PCDH15: variants seen among roughly 807,000 people sequenced by gnomAD.
PCDH15 encodes protocadherin-15.
In PCDH15, 129 loss-of-function variants were observed where a neutral mutation model predicts 178.5. That is an observed-to-expected ratio of 0.72 (90% CI 0.63 to 0.84). PCDH15 has a LOEUF of 0.84. Ranked by LOEUF, PCDH15 falls within the 40% of genes least tolerant of loss-of-function variation. PCDH15 has a pLI of 0.00. For synonymous variants in PCDH15, 800 were observed against 732.0 expected, an observed-to-expected ratio of 1.09 and a Z score of -1.50; for missense variants, 2,230 against 2,099.9, an observed-to-expected ratio of 1.06 and a Z score of -1.21.
intron 21 of PCDH15, among the ~76,000 whole-genome samples, chr10:53,980,420 G>A (rs1318487696): frequency 6.7e-6 from 1 of 148,680 alleles, no homozygotes; most frequent in Non-Finnish European, 1.5e-5. Flanking sequence ...ATATTTTCAC[G>A]AAAACTTTCT....
chr10:55,459,218 A>G (rs1249120065), intron 2 of PCDH15, among the ~76,000 whole-genome samples: 1 of 124,534 alleles, frequency 8.0e-6, no homozygotes, highest in African/African-American at 3.3e-5. Flanking sequence ...TTAGCAGCCG[A>G]GTGTCCTTGG....
intron 2 of PCDH15, among the ~76,000 whole-genome samples, chr10:54,546,072 G>A (rs963494646): frequency 4.6e-5 from 7 of 152,178 alleles, no homozygotes; most frequent in Non-Finnish European, 7.3e-5. Context: ...GCCATGATGG[G>A]GATTGTACCT....
At chr10:54,813,186 A>T (rs748965046) in intron 3 of PCDH15, among the ~76,000 whole-genome samples, 3 of 151,988 alleles carry the variant, frequency 2.0e-5, no homozygotes, top group Non-Finnish European at 4.4e-5. Context: ...CAAATTTTTA[A>T]AACATTTAGA....
At chr10:54,736,376 C>A (rs1351743575) in intron 1 of PCDH15, among the ~76,000 whole-genome samples, 3 of 151,930 alleles carry the variant, frequency 2.0e-5, no homozygotes, top group Non-Finnish European at 4.4e-5. Context: ...ATGATTTCAA[C>A]ATATTTCTTT....
chr10:55,134,862 T>C (rs189486240), intron 2 of PCDH15, among the ~76,000 whole-genome samples: 1 of 152,338 alleles, frequency 6.6e-6, no homozygotes, highest in Non-Finnish European at 1.5e-5. Flanking sequence ...AGGCCACAGA[T>C]AGGATTTCTC....
At chr10:54,876,315 C>T (rs1170648209) in intron 3 of PCDH15, among the ~76,000 whole-genome samples, 1 of 152,058 alleles carries the variant, frequency 6.6e-6, no homozygotes, top group East Asian at 1.9e-4. Context: ...TGTGGATGTA[C>T]AAAGAAGGAA....
intron 15 of PCDH15, among the ~76,000 whole-genome samples, chr10:54,112,239 C>T (rs10825239): frequency 0.31 from 46,598 of 151,876 alleles, 8,410 homozygotes; most frequent in East Asian, 0.86. Context: ...AGTTTGGTAC[C>T]AATGACATTT....
Position 54,664,157 on chromosome 10 carries a change from T to TAA in PCDH15, c.91+13_91+14dup, listed in dbSNP as rs1565887655. The TAA allele has an allele frequency of 6.2e-7, 1 of 1,605,708 alleles. No homozygotes were observed. The highest frequency in any genetic ancestry group is 8.5e-7 in the Non-Finnish European group (1 of 1,173,372). ...TCCTGGCTCGCTCTAAAGGTCAAGC[T>TAA]AAAAGCAACCTTACCATCATCATAC... is the stretch of plus-strand genomic sequence containing the variant. On this transcript the variant is annotated intron_variant, in intron 2 of 37. Coordinates refer to ENST00000644397, the MANE Select transcript of PCDH15 (RefSeq NM_001384140.1).
intron 2 of PCDH15, among the ~76,000 whole-genome samples, chr10:55,510,093 A>G (rs546806943): frequency 1.3e-5 from 2 of 151,790 alleles, no homozygotes; most frequent in African/African-American, 2.4e-5. Context: ...TTTTTTTTGT[A>G]TTGTGGTCTG....
At chr10:54,247,107 T>C (rs954083181) in intron 8 of PCDH15, among the ~76,000 whole-genome samples, 4 of 152,022 alleles carry the variant, frequency 2.6e-5, no homozygotes, top group Admixed American at 6.5e-5. Context: ...ATTAGTGTTA[T>C]CTTGTCAAAG....
At chr10:53,876,605 G>A (rs1420708188) in intron 26 of PCDH15, among the ~76,000 whole-genome samples, 5 of 139,534 alleles carry the variant, frequency 3.6e-5, no homozygotes, top group African/African-American at 1.3e-4. Flanking sequence ...TCTACTTTTA[G>A]GGCTATTCAA....
At chr10:55,131,472 G>A (rs1564823269) in intron 2 of PCDH15, among the ~76,000 whole-genome samples, 2 of 152,152 alleles carry the variant, frequency 1.3e-5, no homozygotes, top group Admixed American at 6.5e-5. Context: ...GGCGGTGGAG[G>A]TATGTTTCAG....
At chr10:54,272,869 G>A (rs1206972048) in intron 8 of PCDH15, among the ~76,000 whole-genome samples, 6 of 152,006 alleles carry the variant, frequency 3.9e-5, no homozygotes, top group Admixed American at 6.6e-5. Context: ...AAATGTTAAC[G>A]AAAAGTGTTC....
intron 2 of PCDH15, among the ~76,000 whole-genome samples, chr10:55,013,563 G>A (rs953888956): frequency 6.6e-6 from 1 of 152,008 alleles, no homozygotes; most frequent in Non-Finnish European, 1.5e-5. Context: ...GTAAACTGCA[G>A]TACCTACCAT....
At chr10:53,937,210 C>T (rs2085656712) in intron 25 of PCDH15, among the ~76,000 whole-genome samples, 1 of 152,146 alleles carries the variant, frequency 6.6e-6, no homozygotes, top group Non-Finnish European at 1.5e-5. Context: ...GTTGTATTCA[C>T]ATATAAGAAC....
At chr10:55,071,780 T>G (rs1841753145) in intron 2 of PCDH15, among the ~76,000 whole-genome samples, 1 of 152,000 alleles carries the variant, frequency 6.6e-6, no homozygotes, top group Non-Finnish European at 1.5e-5. Context: ...CCACCCCAAA[T>G]CAAGAGAATA....
At chr10:54,267,939 A>G (rs1391011093) in intron 8 of PCDH15, among the ~76,000 whole-genome samples, 2 of 151,906 alleles carry the variant, frequency 1.3e-5, no homozygotes, top group Non-Finnish European at 2.9e-5. Context: ...TCTAAAATTT[A>G]TATTTAACTA....
At chr10:55,428,241 C>A (rs1838803143) in intron 2 of PCDH15, among the ~76,000 whole-genome samples, 1 of 151,840 alleles carries the variant, frequency 6.6e-6, no homozygotes, top group African/African-American at 2.4e-5. Context: ...CTACCTATCC[C>A]ATCAATTACT....
At chr10:54,373,564 A>G (rs1947994311) in intron 4 of PCDH15, among the ~76,000 whole-genome samples, 1 of 151,990 alleles carries the variant, frequency 6.6e-6, no homozygotes, top group Admixed American at 6.6e-5. Flanking sequence ...TGACATGTAG[A>G]TACATCTATA....
Sources: allele counts gnomAD v4.1 joint callset (sites outside exome capture counted in the v4.1 genomes callset), GRCh38; gene constraint gnomAD v4.1.1; transcripts MANE v1.5; gene names NCBI Gene and HGNC (gene_info 2026-07-23, HGNC 2026-07-21).